The following CACNA2D3 variants were observed in gnomAD, a reference collection of about 807,000 sequenced individuals.
The protein encoded by CACNA2D3 is voltage-dependent calcium channel subunit alpha-2/delta-3.
Under a neutral mutation model 160.6 loss-of-function variants are expected in CACNA2D3, and 60 were observed. The ratio of observed to expected loss-of-function variants is 0.37; its 90% CI spans 0.30 to 0.46. CACNA2D3 has a LOEUF of 0.46. Among genes scored for constraint, CACNA2D3 ranks in the 20% least tolerant of loss-of-function variants. CACNA2D3 has a pLI of 1.00. For missense variants in CACNA2D3, 1,205 were observed against 1,365.0 expected (o/e 0.88, Z 1.85); for synonymous variants, 558 against 492.9 (o/e 1.13, Z -1.75).
chr3:54,334,247 C>T lies in CACNA2D3; in HGVS notation c.321+13689C>T, dbSNP rs557904399. Among the ~76,000 whole-genome samples, 40 of 152,150 alleles carry T rather than the reference C, an allele frequency of 2.6e-4. 1 individual carries two copies. The highest frequency in any genetic ancestry group is 2.3e-3 in the Admixed American group (35 of 15,282). On this transcript the variant is annotated intron_variant, in intron 3 of 37. Coordinates refer to ENST00000474759, the MANE Select transcript of CACNA2D3 (RefSeq NM_018398.3). Reference sequence around the variant, plus strand: ...GATTACAGGCGCTCGCCACGACGCTCAGCTAATTTTTGTATTTTCAGTAGA... The same window carrying T: ...GATTACAGGCGCTCGCCACGACGCTTAGCTAATTTTTGTATTTTCAGTAGA...
chr3:54,695,075 T>TGGCACAGTCTCGGCTCACTGCAAC (rs35068156), intron 11 of CACNA2D3, among the ~76,000 whole-genome samples: 2 of 152,186 alleles, frequency 1.3e-5, no homozygotes, highest in African/African-American at 4.8e-5. Flanking sequence ...TGGAGTGCAA[T>TGGCACAGTCTCGGCTCACTGCAAC]GGCACAGTCT....
chr3:55,031,047 A>G (rs1703678577), intron 35 of CACNA2D3, among the ~76,000 whole-genome samples: 2 of 152,190 alleles, frequency 1.3e-5, no homozygotes, highest in Non-Finnish European at 2.9e-5. Flanking sequence ...CTGGGCTCAC[A>G]ACACAGTGAG....
At chr3:54,179,582 A>G (rs1006626328) in intron 2 of CACNA2D3, among the ~76,000 whole-genome samples, 1 of 152,240 alleles carries the variant, frequency 6.6e-6, no homozygotes, top group Non-Finnish European at 1.5e-5. Flanking sequence ...CTCAAAATTC[A>G]TATGTTGAAG....
Position 54,750,723 on chromosome 3 carries a change from A to G in CACNA2D3, c.1168-1876A>G, listed in dbSNP as rs530783266. Among the ~76,000 whole-genome samples the G allele has an allele frequency of 7.9e-5, 12 of 151,916 alleles. No homozygotes were observed. In the South Asian group the frequency reaches 1.2e-3, roughly 16 times the overall value. On this transcript the variant is annotated intron_variant, in intron 11 of 37. Coordinates refer to ENST00000474759, the MANE Select transcript of CACNA2D3 (RefSeq NM_018398.3). ...AGAAAGTGAACGGGGGTGCAGCTAT[A>G]TGAAGGAGGGTCAGTGGTAATCACT...
intron 2 of CACNA2D3, among the ~76,000 whole-genome samples, chr3:54,271,078 G>C (rs1702613638): frequency 6.6e-6 from 1 of 152,128 alleles, no homozygotes; most frequent in Non-Finnish European, 1.5e-5. Context: ...GACAGCTGGT[G>C]GTAACAGAAT....
At chr3:54,465,385 A>T (rs77991385) in intron 4 of CACNA2D3, among the ~76,000 whole-genome samples, 2 of 152,248 alleles carry the variant, frequency 1.3e-5, no homozygotes, top group Admixed American at 1.3e-4. Context: ...AATTGCTATA[A>T]TTGTTATTTT....
At chr3:54,879,543 G>C (rs1177665926) in intron 20 of CACNA2D3, 132 bp downstream of exon 20, 1 of 668,744 alleles carries the variant, frequency 1.5e-6, no homozygotes, top group Non-Finnish European at 2.5e-6. Flanking sequence ...AAAGAGTGAG[G>C]AAGGGGCTTT....
chr3:55,041,313 A>G (rs1429792433), intron 35 of CACNA2D3, among the ~76,000 whole-genome samples: 1 of 152,166 alleles, frequency 6.6e-6, no homozygotes, highest in African/African-American at 2.4e-5. Flanking sequence ...GGGTAAACAC[A>G]TATATAATTT....
At chr3:54,479,174 G>C (rs1223754842) in intron 4 of CACNA2D3, among the ~76,000 whole-genome samples, 1 of 152,076 alleles carries the variant, frequency 6.6e-6, no homozygotes, top group Admixed American at 6.6e-5. Context: ...CCTTTGCTCG[G>C]CACTTCTCCT....
chr3:54,458,700 T>C (rs892869801), intron 4 of CACNA2D3, among the ~76,000 whole-genome samples: 56 of 152,122 alleles, frequency 3.7e-4, no homozygotes, highest in African/African-American at 1.3e-3. Context: ...TGGATCTGGA[T>C]GTTTATCTCT....
At chr3:54,608,350 A>C (rs1417117509) in intron 9 of CACNA2D3, among the ~76,000 whole-genome samples, 1 of 152,214 alleles carries the variant, frequency 6.6e-6, no homozygotes, top group Non-Finnish European at 1.5e-5. Flanking sequence ...AAAGGCTTTA[A>C]ACATTCCCCT....
chr3:54,593,418 G>A (rs9871032), intron 9 of CACNA2D3, among the ~76,000 whole-genome samples: 12,908 of 151,786 alleles, frequency 0.085, 1,791 homozygotes, highest in African/African-American at 0.3. Flanking sequence ...TGGAGGGGAG[G>A]GGAGGAGAGA....
intron 10 of CACNA2D3, among the ~76,000 whole-genome samples, chr3:54,640,352 G>GAAGATTTT (rs1348425674): frequency 6.6e-6 from 1 of 152,216 alleles, no homozygotes; most frequent in East Asian, 1.9e-4. Context: ...ACTGAAGGTT[G>GAAGATTTT]AAGATTTTGT....
intron 5 of CACNA2D3, among the ~76,000 whole-genome samples, chr3:54,548,604 C>A (rs1423727473): frequency 2.0e-5 from 3 of 152,186 alleles, no homozygotes; most frequent in African/African-American, 4.8e-5. Context: ...GTAGACACCA[C>A]CTTCTTCCTC....
intron 3 of CACNA2D3, chr3:54,385,815 TAG>T: frequency 2.3e-6 from 1 of 432,200 alleles, no homozygotes; most frequent in South Asian, 1.7e-5. Flanking sequence ...AAAGACAGCA[TAG>T]GATACAAGAG....
At chr3:54,595,664 C>G (rs1270492020) in intron 9 of CACNA2D3, among the ~76,000 whole-genome samples, 1 of 152,162 alleles carries the variant, frequency 6.6e-6, no homozygotes, top group Non-Finnish European at 1.5e-5. Flanking sequence ...CTTCCTGAGG[C>G]TTTTTCCCTG....
intron 34 of CACNA2D3, 45 bp downstream of exon 34, chr3:55,009,488 G>C: frequency 6.5e-7 from 1 of 1,548,682 alleles, no homozygotes; most frequent in Non-Finnish European, 8.9e-7. Context: ...AGGGATAAGC[G>C]CTGGGTTCAC....
intron 21 of CACNA2D3, among the ~76,000 whole-genome samples, chr3:54,883,619 A>G (rs1472363406): frequency 6.6e-6 from 1 of 152,164 alleles, no homozygotes; most frequent in African/African-American, 2.4e-5. Context: ...AACTGCAACT[A>G]GAAAAAGACT....
At chr3:54,192,078 A>G (rs1700994649) in intron 2 of CACNA2D3, among the ~76,000 whole-genome samples, 1 of 151,054 alleles carries the variant, frequency 6.6e-6, no homozygotes, top group African/African-American at 2.4e-5. Flanking sequence ...TTGTGCCATC[A>G]ATAATGAGGA....
Sources: allele counts gnomAD v4.1 joint callset (sites outside exome capture counted in the v4.1 genomes callset), GRCh38; gene constraint gnomAD v4.1.1; transcripts MANE v1.5; gene names NCBI Gene and HGNC (gene_info 2026-07-23, HGNC 2026-07-21).